UBE2A: variants seen among roughly 807,000 people sequenced by gnomAD.
The protein encoded by UBE2A is ubiquitin-conjugating enzyme E2 A.
For missense variants in UBE2A, 27 were observed against 125.8 expected, an observed-to-expected ratio of 0.21 and a Z score of 3.76; for synonymous variants, 39 against 41.1, an observed-to-expected ratio of 0.95 and a Z score of 0.20.
At chrX:119,574,808 G>A (rs1300537794) in intron 1 of UBE2A, 53 bp downstream of exon 1, 5 of 1,188,348 alleles carry the variant, frequency 4.2e-6, no homozygotes, top group Non-Finnish European at 4.5e-6. Context: ...GCACAGGGCG[G>A]GTCCCGAGGC....
At chrX:119,582,759 AATAG>A (rs2053458134) in intron 5 of UBE2A, 83 bp downstream of exon 5, 2 of 799,864 alleles carry the variant, frequency 2.5e-6, no homozygotes, top group Non-Finnish European at 1.9e-6. Flanking sequence ...GTCATAATGT[AATAG>A]ATCTTTTTAT....
At chrX:119,577,618 C>G (rs895783553) in intron 3 of UBE2A, among the ~76,000 whole-genome samples, 1 of 100,086 alleles carries the variant, frequency 1.0e-5, no homozygotes, top group Non-Finnish European at 2.0e-5. Context: ...GTGGTTCCCC[C>G]ACAAAAAAAA....
At chrX:119,575,516 G>A in intron 3 of UBE2A, 116 bp downstream of exon 3, 1 of 988,882 alleles carries the variant, frequency 1.0e-6, no homozygotes, top group Non-Finnish European at 1.4e-6. Flanking sequence ...GCCTCTGTCT[G>A]CTAAAGGCTT....
chrX:119,581,318 A>T (rs1438208979), intron 3 of UBE2A, 189 bp from the exon 4 acceptor site: 1 of 328,106 alleles, frequency 3.0e-6, no homozygotes, highest in African/African-American at 2.7e-5. Context: ...AATAATGGCA[A>T]AACAAAAAAT....
rs761527788 is a variant in UBE2A at position 119,584,235 on chromosome X, T to A, written c.*980T>A. 26 of 112,163 alleles carry A rather than the reference T, an allele frequency of 2.3e-4. No individual in the cohort carries two copies. Among genetic ancestry groups the A allele is most frequent in the African/African-American group, 8.4e-4 (26 of 30,860 alleles). The allele number at this position is 112,163 out of a possible 1,213,427, so 9.2% of individuals were successfully genotyped here. A position where few individuals can be genotyped will look rare whatever the true frequency, so the allele number is the denominator to read the frequency against. On this transcript the variant is annotated 3_prime_UTR_variant, in exon 6 of 6. Transcript: ENST00000371558. ...AATGTCTGCGATCTTTTTTTGGATA[T>A]TTATACTTTTAGATATATAGTACCT...
intron 3 of UBE2A, among the ~76,000 whole-genome samples, chrX:119,579,842 TAGTC>T (rs1205029175): frequency 8.9e-6 from 1 of 112,222 alleles, no homozygotes; most frequent in African/African-American, 3.2e-5. Context: ...ACCCATAATT[TAGTC>T]AGATTGCAAC....
At chrX:119,575,177 A>AGGGGG in intron 2 of UBE2A, 196 bp downstream of exon 2, 1 of 716,192 alleles carries the variant, frequency 1.4e-6, no homozygotes, top group Non-Finnish European at 2.1e-6. Context: ...TTGGGGTTCT[A>AGGGGG]GGGGGGCGGG....
At chrX:119,577,024 A>G (rs2053420166) in intron 3 of UBE2A, 1 of 111,441 alleles carries the variant, frequency 9.0e-6, no homozygotes, top group African/African-American at 3.3e-5. Flanking sequence ...CCCAGGTTCA[A>G]GCGATTCTCC....
chrX:119,578,004 A>AT (rs1451717494), intron 3 of UBE2A, among the ~76,000 whole-genome samples: 2 of 111,310 alleles, frequency 1.8e-5, no homozygotes, highest in Non-Finnish European at 3.8e-5. Context: ...GAAAAGACTG[A>AT]TTAGGGATAA....
intron 3 of UBE2A, among the ~76,000 whole-genome samples, chrX:119,578,713 A>G (rs1450260011): frequency 9.0e-6 from 1 of 111,642 alleles, no homozygotes; most frequent in Non-Finnish European, 1.9e-5. Flanking sequence ...TAGGCAGAAC[A>G]TATACCCCCT....
intron 2 of UBE2A, 194 bp downstream of exon 2, chrX:119,575,175 CT>C: frequency 1.3e-6 from 1 of 748,069 alleles, no homozygotes; most frequent in Admixed American, 2.7e-5. Flanking sequence ...GCTTGGGGTT[CT>C]AGGGGGGCGG....
At chrX:119,582,732 T>C (rs2053457920) in intron 5 of UBE2A, 56 bp downstream of exon 5, 2 of 926,158 alleles carry the variant, frequency 2.2e-6, no homozygotes, top group African/African-American at 3.9e-5. Flanking sequence ...ATATTAGCAA[T>C]TGAATTGTTT....
At chrX:119,578,243 C>T (rs1371705927) in intron 3 of UBE2A, among the ~76,000 whole-genome samples, 1 of 111,535 alleles carries the variant, frequency 9.0e-6, no homozygotes. Flanking sequence ...ACTACCAAAA[C>T]ATTGGGGAGA....
At chrX:119,575,227 T>C (rs1331260473) in intron 2 of UBE2A, 148 bp from the exon 3 acceptor site, 12 of 895,264 alleles carry the variant, frequency 1.3e-5, no homozygotes, top group Non-Finnish European at 1.8e-5. Flanking sequence ...GCTTGCCCTG[T>C]GTCTCTGAGC....
intron 3 of UBE2A, among the ~76,000 whole-genome samples, chrX:119,579,566 C>T (rs1192584647): frequency 8.9e-6 from 1 of 111,771 alleles, no homozygotes; most frequent in East Asian, 2.8e-4. Context: ...TGATTAATCT[C>T]ATTTTACAAA....
chrX:119,577,509 A>G lies in UBE2A; in HGVS notation c.151+2109A>G, dbSNP rs1228347488. Reference sequence around the variant, plus strand: ...TCTATTTTTGATGATGTGTATCTCCATCCTAGCATTACTGAAAGGAATTAC... The same window carrying G: ...TCTATTTTTGATGATGTGTATCTCCGTCCTAGCATTACTGAAAGGAATTAC... On this transcript the variant is annotated intron_variant, in intron 3 of 5. Coordinates refer to ENST00000371558, the MANE Select transcript of UBE2A (RefSeq NM_003336.4). Among the ~76,000 whole-genome samples, 38 of 110,646 alleles carry G rather than the reference A, an allele frequency of 3.4e-4. No homozygotes were observed. In the Admixed American group the frequency reaches 3.7e-3, roughly 11 times the overall value.
chrX:119,575,236 G>A, intron 2 of UBE2A, 139 bp from the exon 3 acceptor site: 1 of 941,902 alleles, frequency 1.1e-6, no homozygotes, highest in Non-Finnish European at 1.5e-6. Flanking sequence ...GTGTCTCTGA[G>A]CCCGGGACAT....
At chrX:119,575,761 C>T (rs2053412299) in intron 3 of UBE2A, 2 of 194,782 alleles carry the variant, frequency 1.0e-5, no homozygotes, top group African/African-American at 5.9e-5. Flanking sequence ...CAGCAGAGAC[C>T]CCAGAGACCA....
rs1477550042 is a variant in UBE2A, at chrX:119,574,590, G to T, written c.-122G>T. 4.2e-6 allele frequency: 4 copies of T among 958,184 alleles called. No individual in the cohort carries two copies. Among genetic ancestry groups the T allele is most frequent in the African/African-American group, 3.8e-5 (2 of 52,166 alleles). The allele number at this position is 958,184 out of a possible 1,213,427, so 79.0% of individuals were successfully genotyped here. A position where few individuals can be genotyped will look rare whatever the true frequency, so the allele number is the denominator to read the frequency against. ...ACCGACCCTCGACTTCGGAGAGGCA[G>T]CGCGGTTCCTCTGGGTGCTTCCGCC... is the stretch of plus-strand genomic sequence containing the variant. On this transcript the variant is annotated 5_prime_UTR_variant, in exon 1 of 6. Transcript: ENST00000371558.
Sources: gnomAD v4.1 joint callset for allele counts (sites outside exome capture counted in the v4.1 genomes callset) on GRCh38, gnomAD v4.1.1 for gene constraint, MANE v1.5 for transcripts, NCBI Gene and HGNC (gene_info 2026-07-23, HGNC 2026-07-21) for gene names.